Variants in GALK2 observed in about 807,000 individuals in gnomAD.
The protein encoded by GALK2 is galactokinase 2.
In GALK2, 36 loss-of-function variants were observed where a neutral mutation model predicts 52.4. That is an observed-to-expected ratio of 0.69 (90% CI 0.53 to 0.91). The LOEUF (loss-of-function observed/expected upper bound fraction) is 0.91, where lower values mean the gene tolerates loss of function less well. Ranked by LOEUF, GALK2 falls within the 40% of genes least tolerant of loss-of-function variation. GALK2 has a pLI of 0.00. For synonymous variants in GALK2, 176 were observed against 199.1 expected (o/e 0.88, Z 0.98); for missense variants, 579 against 559.1 (o/e 1.04, Z -0.36).
chr15:49,200,572 G>A (rs1431956107), intron 1 of GALK2, among the ~76,000 whole-genome samples: 1 of 152,174 alleles, frequency 6.6e-6, no homozygotes, highest in Non-Finnish European at 1.5e-5. Context: ...GAGTAATAAA[G>A]CTGTAAGCCA....
At chr15:49,282,336 C>T (rs1317690350) in intron 6 of GALK2, among the ~76,000 whole-genome samples, 2 of 152,170 alleles carry the variant, frequency 1.3e-5, no homozygotes, top group Non-Finnish European at 2.9e-5. Flanking sequence ...ATGTGTCTAG[C>T]TTTTTCCCCT....
intron 7 of GALK2, among the ~76,000 whole-genome samples, chr15:49,290,325 G>A (rs1329817561): frequency 2.0e-5 from 3 of 152,302 alleles, no homozygotes; most frequent in Admixed American, 2.0e-4. Context: ...GAGGGCATAT[G>A]GTAGATTTCA....
chr15:49,341,879 A>G (rs1263533713), intron 3 of GALK2, among the ~76,000 whole-genome samples: 1 of 152,044 alleles, frequency 6.6e-6, no homozygotes, highest in East Asian at 1.9e-4. Flanking sequence ...ATTGATACCT[A>G]TTTTTATTCC....
At chr15:49,179,066 G>A (rs1430521216) in intron 1 of GALK2, among the ~76,000 whole-genome samples, 2 of 151,656 alleles carry the variant, frequency 1.3e-5, no homozygotes, top group African/African-American at 4.8e-5. Flanking sequence ...TTGTTTTTAT[G>A]TTTAATTTTT....
chr15:49,182,204 G>T (rs2086027729), intron 1 of GALK2, among the ~76,000 whole-genome samples: 1 of 152,052 alleles, frequency 6.6e-6, no homozygotes, highest in Admixed American at 6.6e-5. Flanking sequence ...GAGTTCAATT[G>T]TTTTAATTTT....
intron 3 of GALK2, among the ~76,000 whole-genome samples, chr15:49,341,119 CTA>C: frequency 6.6e-6 from 1 of 152,128 alleles, no homozygotes; most frequent in Non-Finnish European, 1.5e-5. Context: ...TTTCATCAGT[CTA>C]TGTGTCTGTT....
chr15:49,156,152 C>T (rs1046258840), intron 1 of GALK2: 3 of 834,078 alleles, frequency 3.6e-6, no homozygotes, highest in African/African-American at 3.4e-5. Context: ...CAAAACAATT[C>T]TATGGATATC....
At chr15:49,281,543 T>C (rs2032699994) in intron 5 of GALK2, among the ~76,000 whole-genome samples, 1 of 152,146 alleles carries the variant, frequency 6.6e-6, no homozygotes, top group Non-Finnish European at 1.5e-5. Context: ...CTTCATTACT[T>C]TTGGACAGGA....
intron 3 of GALK2, among the ~76,000 whole-genome samples, chr15:49,338,091 T>C (rs1249283456): frequency 6.6e-6 from 1 of 152,136 alleles, no homozygotes; most frequent in African/African-American, 2.4e-5. Context: ...TTGTCTTCCA[T>C]TGTTGTGTCT....
At chr15:49,325,344 GGTTTTT>G (rs1193246104) in intron 9 of GALK2, among the ~76,000 whole-genome samples, 1 of 152,136 alleles carries the variant, frequency 6.6e-6, no homozygotes, top group Non-Finnish European at 1.5e-5. Flanking sequence ...TTAGGGTTTT[GGTTTTT>G]GTAATTCTTG....
At chr15:49,191,835 A>G (rs2141262142) in intron 1 of GALK2, among the ~76,000 whole-genome samples, 1 of 148,386 alleles carries the variant, frequency 6.7e-6, no homozygotes, top group African/African-American at 2.5e-5. Context: ...TTATTACTAC[A>G]ATGATCTCTA....
intron 8 of GALK2, among the ~76,000 whole-genome samples, chr15:49,315,891 T>C (rs149220967): frequency 6.6e-6 from 1 of 152,300 alleles, no homozygotes; most frequent in Non-Finnish European, 1.5e-5. Flanking sequence ...CTGGGTTTAA[T>C]AGAAAACATC....
chr15:49,176,888 A>G (rs1353203920), intron 1 of GALK2, among the ~76,000 whole-genome samples: 2 of 152,196 alleles, frequency 1.3e-5, no homozygotes, highest in Non-Finnish European at 2.9e-5. Flanking sequence ...ATTTAGAACC[A>G]TTTATAAAAA....
intron 2 of GALK2, among the ~76,000 whole-genome samples, chr15:49,203,793 C>T (rs557805985): frequency 6.6e-6 from 1 of 152,240 alleles, no homozygotes; most frequent in African/African-American, 2.4e-5. Flanking sequence ...GTCCTTTTCC[C>T]TATGAATGAA....
chr15:49,226,998 T>G (rs2090172743), intron 3 of GALK2, among the ~76,000 whole-genome samples: 1 of 152,240 alleles, frequency 6.6e-6, no homozygotes, highest in African/African-American at 2.4e-5. Flanking sequence ...ATATTTGACA[T>G]GATTTCCATT....
intron 3 of GALK2, among the ~76,000 whole-genome samples, chr15:49,224,221 G>A (rs550448553): frequency 2.0e-5 from 3 of 152,200 alleles, no homozygotes; most frequent in African/African-American, 7.2e-5. Flanking sequence ...TGTTTACAAT[G>A]TTTACAGATT....
intron 8 of GALK2, among the ~76,000 whole-genome samples, chr15:49,303,310 C>T (rs768490431): frequency 3.9e-5 from 6 of 152,122 alleles, no homozygotes; most frequent in Non-Finnish European, 8.8e-5. Flanking sequence ...TTTTTAAAGG[C>T]ACGGCATCAT....
intron 3 of GALK2, among the ~76,000 whole-genome samples, chr15:49,364,337 C>A (rs1284443500): frequency 1.3e-5 from 2 of 152,022 alleles, no homozygotes; most frequent in Non-Finnish European, 2.9e-5. Flanking sequence ...CTAGTTCAAT[C>A]TTAGTAGGTT....
rs376999122 is a variant in GALK2, at chr15:49,331,124, C to G, written c.*2965C>G. 2.4e-4 allele frequency: 37 copies of G among 152,346 alleles called. No homozygotes were observed. Among genetic ancestry groups the G allele is most frequent in the African/African-American group, 8.7e-4 (36 of 41,578 alleles). 9.4% of individuals were successfully genotyped at this position (152,346 alleles called of 1,614,324 possible). On this transcript the variant is annotated 3_prime_UTR_variant, in exon 10 of 10. Coordinates refer to ENST00000560031, the MANE Select transcript of GALK2 (RefSeq NM_002044.4). ...TATACTAGCAGCCAATGGGATTGCT[C>G]TAGATTTTTGAATGGAAGCCTTGAC...
Sources: allele counts gnomAD v4.1 joint callset (sites outside exome capture counted in the v4.1 genomes callset), GRCh38; gene constraint gnomAD v4.1.1; transcripts MANE v1.5; gene names NCBI Gene and HGNC (gene_info 2026-07-23, HGNC 2026-07-21).